PTGIR: variants seen among roughly 807,000 people sequenced by gnomAD.
The protein encoded by PTGIR is prostacyclin receptor.
Under a neutral mutation model 17.6 loss-of-function variants are expected in PTGIR, and 16 were observed. The ratio of observed to expected loss-of-function variants is 0.91; its 90% CI spans 0.61 to 1.38. The LOEUF is 1.38. Ranked by LOEUF, PTGIR falls within the 40% of genes most tolerant of loss-of-function variation. The pLI is 0.00. For missense variants in PTGIR, 532 were observed against 548.6 expected (o/e 0.97, Z 0.30); for synonymous variants, 274 against 255.4 (o/e 1.07, Z -0.69).
chr19:46,623,695 G>A lies in PTGIR; in HGVS notation c.531C>T (p.Ala177=). 6.4e-7 allele frequency: 1 copy of A among 1,563,636 alleles called. No individual in the cohort carries two copies. Among genetic ancestry groups the A allele is most frequent in the Non-Finnish European group, 8.6e-7 (1 of 1,158,132 alleles). The stretch of plus-strand genomic sequence containing the variant: ...GCGAGAAGGCGGCGCCGCCCGGCTG[G>A]GCCCAGCGCATGCGGAGGAAGCACC... ...GSWCFLRMRW[A]QPGGAAFSLA... is the part of the protein sequence containing the mutation. Residue 177 remains alanine (A), a synonymous_variant, in exon 2 of 3, where the codon GCC becomes GCT. Coordinates refer to ENST00000291294, the MANE Select transcript of PTGIR (RefSeq NM_000960.4).
At chr19:46,618,014 ATTT>A (rs56961349), downstream of PTGIR, among the ~76,000 whole-genome samples, 3 of 112,732 alleles carry the variant, frequency 2.7e-5, no homozygotes, top group African/African-American at 3.6e-5. Context: ...AATTTTTGTA[ATTT>A]TTTTTTTTTT....
rs2052763592 is a variant in PTGIR at position 46,623,815 on chromosome 19, G to A, written c.411C>T (p.Arg137=). 1.9e-6 allele frequency: 3 copies of A among 1,607,496 alleles called. No homozygotes were observed. The highest frequency in any genetic ancestry group is 2.5e-6 in the Non-Finnish European group (3 of 1,178,242). The change falls in exon 2 of 3, where the codon CGC becomes CGT. Residue 137 remains arginine, a synonymous_variant. Transcript: ENST00000291294. ...YAQLDGPRCA[R]LALPAIYAFC... ...AGGCGTAGATGGCTGGCAGCGCCAG[G>A]CGGGCGCAGCGGGGCCCGTCCAGCT...
At chr19:46,613,852 G>A in the PTGIR span, among the ~76,000 whole-genome samples, 3,709 of 152,234 alleles carry the variant, frequency 0.024, 66 homozygotes, top group Non-Finnish European at 0.038. Flanking sequence ...CAGCGCACTC[G>A]GATCCCAACG....
At chr19:46,619,550 A>G (rs1380604126), downstream of PTGIR, among the ~76,000 whole-genome samples, 2 of 67,362 alleles carry the variant, frequency 3.0e-5, no homozygotes, top group Admixed American at 1.5e-4. Flanking sequence ...AGAAAGAAAG[A>G]GAGAGAGAGA....
Position 46,621,871 on chromosome 19 carries a change from A to C in PTGIR, c.769-199T>G. The C allele has an allele frequency of 7.3e-7, 1 of 1,361,838 alleles. No homozygotes were observed. The highest frequency in any genetic ancestry group is 9.4e-7 in the Non-Finnish European group (1 of 1,060,516). The allele number at this position is 1,361,838 out of a possible 1,614,324, so 84.4% of individuals were successfully genotyped here. ...CCCAGGAAATTGCCAGAGATGCCTA[A>C]GGGGAGAGGGATGGGGGCCAGGTAT... On this transcript the variant is annotated intron_variant, in intron 2 of 2. Coordinates refer to ENST00000291294, the MANE Select transcript of PTGIR (RefSeq NM_000960.4). The surrounding 1 kb of genome is among the most constrained non-coding windows in gnomAD (Gnocchi z 4.8).
chr19:46,621,822 C>G lies in PTGIR; in HGVS notation c.769-150G>C, dbSNP rs1342189724. The stretch of plus-strand genomic sequence containing the variant: ...GATAAAGACTAAGTAACAAATGTAT[C>G]TGGGGAACACAGGGAGAGAAAGCCC... On this transcript the variant is annotated intron_variant, in intron 2 of 2. Transcript: ENST00000291294. This position sits in a 1 kb window ranked among gnomAD's most constrained non-coding sequence, Gnocchi z 4.8. 4.2e-6 allele frequency: 6 copies of G among 1,412,162 alleles called. No individual in the cohort carries two copies. The highest frequency in any genetic ancestry group is 9.2e-7 in the Non-Finnish European group (1 of 1,084,898). The allele number at this position is 1,412,162 out of a possible 1,614,324, so 87.5% of individuals were successfully genotyped here. A position where few individuals can be genotyped will look rare whatever the true frequency, so the allele number is the denominator to read the frequency against.
At position 46,623,676 on chromosome 19, in the gene PTGIR, A is replaced by T; in HGVS notation, c.550T>A (p.Phe184Ile). The T allele has an allele frequency of 6.4e-7, 1 of 1,550,472 alleles. No homozygotes were observed. The highest frequency in any genetic ancestry group is 1.2e-5 in the South Asian group (1 of 84,886). ...ACCAGGCCGGCGTAGGCCAGCGAGA[A>T]GGCGGCGCCGCCCGGCTGGGCCCAG... ...MRWAQPGGAA[F>I]SLAYAGLVAL... is the part of the protein sequence containing the mutation. Residue 184 changes from phenylalanine to isoleucine, a missense_variant, in exon 2 of 3, where the codon TTC becomes ATC. By Grantham distance (21) the Phe-to-Ile change is conservative (BLOSUM62 0). Transcript: ENST00000291294.
Position 46,621,678 on chromosome 19 carries a change from G to A in PTGIR, c.769-6C>T, listed in dbSNP as rs1207921360. On this transcript the variant is annotated splice_polypyrimidine_tract_variant and splice_region_variant and intron_variant, in intron 2 of 2. Transcript: ENST00000291294. The surrounding 1 kb of genome is among the most constrained non-coding windows in gnomAD (Gnocchi z 4.8). ...GCCTGGGTGAAGCAGCGGATCTGAG[G>A]GCAGGGTGAGGGCGTCAAGGAGCAC... 4 of 1,608,334 alleles carry A rather than the reference G, an allele frequency of 2.5e-6. No individual in the cohort carries two copies. The African/African-American group carries it at 5.3e-5, about 21-fold the overall frequency.
At chr19:46,618,366 T>C (rs1267112400), downstream of PTGIR, among the ~76,000 whole-genome samples, 4 of 152,100 alleles carry the variant, frequency 2.6e-5, no homozygotes, top group African/African-American at 7.2e-5. Flanking sequence ...GCCAGGCTGG[T>C]CTCAAACTCC....
the PTGIR span, among the ~76,000 whole-genome samples, chr19:46,611,137 G>A: frequency 1.3e-5 from 2 of 152,192 alleles, no homozygotes; most frequent in Non-Finnish European, 2.9e-5. Flanking sequence ...CTACCTGAAA[G>A]ATGGGCAGTC....
At chr19:46,616,965 G>A (rs560829104), downstream of PTGIR, among the ~76,000 whole-genome samples, 80 of 152,378 alleles carry the variant, frequency 5.3e-4, 1 homozygote, top group Middle Eastern at 3.4e-3. Flanking sequence ...CTGAGGGCCC[G>A]CTGAGGGAGG....
rs1451073630 is a variant in PTGIR at position 46,620,522 on chromosome 19, A to G, written c.*758T>C. 4.1e-6 allele frequency: 4 copies of G among 985,222 alleles called. No individual in the cohort carries two copies. Among genetic ancestry groups the G allele is most frequent in the Middle Eastern group, 1.0e-3 (2 of 1,938 alleles). The allele number at this position is 985,222 out of a possible 1,614,324, so 61.0% of individuals were successfully genotyped here. A position where few individuals can be genotyped will look rare whatever the true frequency, so the allele number is the denominator to read the frequency against. On this transcript the variant is annotated 3_prime_UTR_variant, in exon 3 of 3. Coordinates refer to ENST00000291294, the MANE Select transcript of PTGIR (RefSeq NM_000960.4). ...TCAGGACCCTGGGGACAGGCACAGG[A>G]CTTAGGTTTGTGTTCTGGGGCAGTC...
chr19:46,613,323 ACTCT>A, the PTGIR span, among the ~76,000 whole-genome samples: 3 of 145,546 alleles, frequency 2.1e-5, no homozygotes, highest in African/African-American at 7.7e-5. Flanking sequence ...GGGATGCCAA[ACTCT>A]CTCTCTTTTC....
downstream of PTGIR, among the ~76,000 whole-genome samples, chr19:46,620,178 C>T (rs372420195): frequency 6.6e-6 from 1 of 152,214 alleles, no homozygotes; most frequent in Non-Finnish European, 1.5e-5. Context: ...CAGCTCACTG[C>T]AGCCTCAACC....
Position 46,623,829 on chromosome 19 carries a change from G to A in PTGIR, c.397C>T (p.Pro133Ser). 1.9e-6 allele frequency: 3 copies of A among 1,607,454 alleles called. No homozygotes were observed. Among genetic ancestry groups the A allele is most frequent in the Non-Finnish European group, 2.5e-6 (3 of 1,178,244 alleles). ...HPYLYAQLDG[P>S]RCARLALPAI... ...GGCAGCGCCAGGCGGGCGCAGCGGG[G>A]CCCGTCCAGCTGCGCGTAGAGGTAG... The change falls in exon 2 of 3, where the codon CCC becomes TCC. Residue 133 changes from proline to serine, a missense_variant. Physicochemically the swap from Pro to Ser is moderately conservative, Grantham distance 74 (BLOSUM62 -1). Coordinates refer to ENST00000291294, the MANE Select transcript of PTGIR (RefSeq NM_000960.4).
rs1599771202 is a variant in PTGIR, at chr19:46,621,578, T to C, written c.863A>G (p.Asp288Gly). 6.2e-7 allele frequency: 1 copy of C among 1,613,886 alleles called. No individual in the cohort carries two copies. The highest frequency in any genetic ancestry group is 8.5e-7 in the Non-Finnish European group (1 of 1,180,024). ...FRFYAFNPILDPWVFILFRKA... is the reference protein window; with the variant it reads ...FRFYAFNPILGPWVFILFRKA... Reference sequence around the variant, plus strand: ...GCGGAAAAGGATGAAGACCCAGGGGTCCAGGATGGGGTTGAAGGCGTAGAA... The same window carrying C: ...GCGGAAAAGGATGAAGACCCAGGGGCCCAGGATGGGGTTGAAGGCGTAGAA... The change falls in exon 3 of 3, where the codon GAC becomes GGC. Residue 288 changes from aspartate (D) to glycine (G), a missense_variant. Coordinates refer to ENST00000291294, the MANE Select transcript of PTGIR (RefSeq NM_000960.4). The surrounding 1 kb of genome is among the most constrained non-coding windows in gnomAD (Gnocchi z 4.8).
At position 46,620,750 on chromosome 19, in the gene PTGIR, GC is replaced by G; in HGVS notation, c.*529del. Reference sequence around the variant, plus strand: ...CCCGTTGCCCCTTTGGGATGCCAGGGCTCCCAAGCCTGGTGGGGGACCAGCG... The same window carrying G: ...CCCGTTGCCCCTTTGGGATGCCAGGGTCCCAAGCCTGGTGGGGGACCAGCG... On this transcript the variant is annotated 3_prime_UTR_variant, in exon 3 of 3. Transcript: ENST00000291294. The G allele has an allele frequency of 1.0e-6, 1 of 986,050 alleles. No individual in the cohort carries two copies. The highest frequency in any genetic ancestry group is 1.2e-6 in the Non-Finnish European group (1 of 830,054). The allele number at this position is 986,050 out of a possible 1,614,324, so 61.1% of individuals were successfully genotyped here. A position where few individuals can be genotyped will look rare whatever the true frequency, so the allele number is the denominator to read the frequency against.
the PTGIR span, among the ~76,000 whole-genome samples, chr19:46,611,652 ATCC>A: frequency 1.3e-4 from 20 of 152,276 alleles, no homozygotes; most frequent in Non-Finnish European, 2.5e-4. Flanking sequence ...CATTCCTGTA[ATCC>A]TCCTACTTTG....
In PTGIR at chr19:46,621,392, G is replaced by A. The variant is rs141866414; in HGVS notation, c.1049C>T (p.Ser350Leu). The A allele has an allele frequency of 5.8e-5, 92 of 1,595,900 alleles. No individual in the cohort carries two copies. Among genetic ancestry groups the A allele is most frequent in the Non-Finnish European group, 7.2e-5 (84 of 1,168,458 alleles). Residue 350 changes from serine (S) to leucine (L), a missense_variant, in exon 3 of 3, where the codon TCG (serine) becomes TTG (leucine). Transcript: ENST00000291294. The surrounding 1 kb of genome is among the most constrained non-coding windows in gnomAD (Gnocchi z 4.8). ...CTCCACCTGCCCCTCGCCCCAAGCC[G>A]ACAAAGGCACGCAGCTCCCCTCCTT... ...VGKEGSCVPLSAWGEGQVEPL... is the reference protein window; with the variant it reads ...VGKEGSCVPLLAWGEGQVEPL...
Sources: gnomAD v4.1 joint callset for allele counts (sites outside exome capture counted in the v4.1 genomes callset) on GRCh38, gnomAD v4.1.1 for gene constraint, Gnocchi (gnomAD v3.1) non-coding constraint, MANE v1.5 for transcripts, NCBI Gene and HGNC (gene_info 2026-07-23, HGNC 2026-07-21) for gene names.